ETS1: variants seen among roughly 807,000 people sequenced by gnomAD.
ETS1 encodes protein C-ets-1.
Under a neutral mutation model 58.6 loss-of-function variants are expected in ETS1, and 15 were observed. The observed-to-expected ratio is 0.26, with a 90% CI of 0.17 to 0.39. The LOEUF (loss-of-function observed/expected upper bound fraction) is 0.39. ETS1 is among the 10% of genes least tolerant of loss of function. ETS1 has a pLI of 1.00. For synonymous variants in ETS1, 214 were observed against 218.2 expected, an observed-to-expected ratio of 0.98 and a Z score of 0.17; for missense variants, 417 against 610.5, an observed-to-expected ratio of 0.68 and a Z score of 3.34.
chr11:128,571,156 C>T lies in ETS1; in HGVS notation c.69+1906G>A, dbSNP rs976593532. ...TAAAAAAAGAACTTCAGGCTGGGCG[C>T]GGTGGCTCACGCTTGTAATCCCAGC... On this transcript the variant is annotated intron_variant, in intron 2 of 9. Transcript: ENST00000392668. Among the ~76,000 whole-genome samples, 10 of 151,794 alleles carry T rather than the reference C, an allele frequency of 6.6e-5. No homozygotes were observed. The East Asian group carries it at 9.7e-4, about 15-fold the overall frequency.
chr11:128,488,285 A>G (rs1862694749), intron 5 of ETS1, among the ~76,000 whole-genome samples: 1 of 152,146 alleles, frequency 6.6e-6, no homozygotes, highest in Non-Finnish European at 1.5e-5. Flanking sequence ...GTATTCCTTT[A>G]TGTCTTATTT....
chr11:128,471,234 C>T (rs1256917441), intron 8 of ETS1, among the ~76,000 whole-genome samples: 4 of 152,222 alleles, frequency 2.6e-5, no homozygotes, highest in African/African-American at 7.2e-5. Flanking sequence ...GACAGCAAGA[C>T]CAGGTGGCTG....
intron 3 of ETS1, among the ~76,000 whole-genome samples, chr11:128,532,181 C>T (rs1039971091): frequency 6.6e-6 from 1 of 152,196 alleles, no homozygotes; most frequent in African/African-American, 2.4e-5. Context: ...ATAGCACTCC[C>T]TGCAAGCTTG....
intron 2 of ETS1, among the ~76,000 whole-genome samples, chr11:128,561,458 A>AT: frequency 6.6e-6 from 1 of 152,304 alleles, no homozygotes; most frequent in East Asian, 1.9e-4. Context: ...ATTAATTCTG[A>AT]TTTTTCAAAG....
chr11:128,549,331 A>C lies in ETS1; in HGVS notation c.214+6960T>G, dbSNP rs1420664408. Among the ~76,000 whole-genome samples, 2 of 150,176 alleles carry C rather than the reference A, an allele frequency of 1.3e-5. No individual in the cohort carries two copies. Among genetic ancestry groups the C allele is most frequent in the Admixed American group, 1.3e-4 (2 of 15,168 alleles). On this transcript the variant is annotated intron_variant, in intron 3 of 9. Coordinates refer to ENST00000392668, the MANE Select transcript of ETS1 (RefSeq NM_001143820.2). This position sits in a 1 kb window ranked among gnomAD's most constrained non-coding sequence, Gnocchi z 4.3. ...GCTCCCACCTCATCGGCCCACCCGAAGATGTCCATTCACCCAGTGCCGCGG... is the reference window on the plus strand; with the variant it reads ...GCTCCCACCTCATCGGCCCACCCGACGATGTCCATTCACCCAGTGCCGCGG...
intron 8 of ETS1, among the ~76,000 whole-genome samples, chr11:128,476,563 A>T (rs1379713013): frequency 6.6e-6 from 1 of 152,350 alleles, no homozygotes; most frequent in Admixed American, 6.5e-5. Flanking sequence ...AGGGGTTGAG[A>T]GGAAGAGAGA....
At chr11:128,552,056 G>A (rs1233552738) in intron 3 of ETS1, among the ~76,000 whole-genome samples, 1 of 151,920 alleles carries the variant, frequency 6.6e-6, no homozygotes, top group African/African-American at 2.4e-5. Flanking sequence ...ATAAGTCTGG[G>A]GTACGGCTCG....
intron 1 of ETS1, among the ~76,000 whole-genome samples, chr11:128,581,959 A>T (rs1362650702): frequency 6.6e-6 from 1 of 152,200 alleles, no homozygotes; most frequent in African/African-American, 2.4e-5. Context: ...AGATCTCTCA[A>T]ATCCAGCAAG....
chr11:128,463,791 G>A lies in ETS1; in HGVS notation c.1124-164C>T, dbSNP rs575319835. On this transcript the variant is annotated intron_variant, in intron 8 of 9. Coordinates refer to ENST00000392668, the MANE Select transcript of ETS1 (RefSeq NM_001143820.2). The surrounding 1 kb of genome is among the most constrained non-coding windows in gnomAD (Gnocchi z 4.1). ...ATGTCGGAGGAAGTGTTATGAGCTC[G>A]AACAGATAGAAAAGACAAAGGCCTC... 4.5e-4 allele frequency: 229 copies of A among 511,078 alleles called. 2 individuals are homozygous for A. Among genetic ancestry groups the A allele is most frequent in the East Asian group, 2.2e-3 (67 of 30,376 alleles). The allele number at this position is 511,078 out of a possible 1,614,324, so 31.7% of individuals were successfully genotyped here. A position where few individuals can be genotyped will look rare whatever the true frequency, so the allele number is the denominator to read the frequency against.
intron 3 of ETS1, among the ~76,000 whole-genome samples, chr11:128,533,255 C>T (rs1321804343): frequency 1.3e-5 from 2 of 152,210 alleles, no homozygotes; most frequent in African/African-American, 2.4e-5. Context: ...GCATTCCCCA[C>T]ATCGCAATAC....
intron 7 of ETS1, among the ~76,000 whole-genome samples, chr11:128,482,011 G>T (rs1201355057): frequency 6.6e-6 from 1 of 152,142 alleles, no homozygotes; most frequent in Non-Finnish European, 1.5e-5. Context: ...TCTCTGGAAA[G>T]CAAACTGAAG....
intron 2 of ETS1, among the ~76,000 whole-genome samples, chr11:128,558,922 C>A (rs1864360275): frequency 6.6e-6 from 1 of 152,096 alleles, no homozygotes; most frequent in Non-Finnish European, 1.5e-5. Flanking sequence ...TTTTCATATT[C>A]CTTTAGAGCC....
At chr11:128,541,049 C>T (rs2135542238) in intron 3 of ETS1, among the ~76,000 whole-genome samples, 1 of 152,266 alleles carries the variant, frequency 6.6e-6, no homozygotes, top group East Asian at 1.9e-4. Context: ...CAAGGCAAAC[C>T]CCCTCACCCT....
At chr11:128,541,748 T>C (rs561880303) in intron 3 of ETS1, among the ~76,000 whole-genome samples, 1 of 152,314 alleles carries the variant, frequency 6.6e-6, no homozygotes, top group African/African-American at 2.4e-5. Context: ...ATTTAGGCAC[T>C]CTGCTAGGTA....
At chr11:128,554,887 T>A (rs1309916531) in intron 3 of ETS1, among the ~76,000 whole-genome samples, 2 of 152,224 alleles carry the variant, frequency 1.3e-5, no homozygotes, top group Non-Finnish European at 2.9e-5. Context: ...TTTTAAAGGA[T>A]CACTTTTCTC....
intron 3 of ETS1, among the ~76,000 whole-genome samples, chr11:128,508,597 T>C (rs1316428550): frequency 6.6e-6 from 1 of 152,192 alleles, no homozygotes; most frequent in African/African-American, 2.4e-5. Context: ...CCCTCTCCTT[T>C]GTCTTAGAGG....
chr11:128,552,535 A>T (rs1387218564), intron 3 of ETS1, among the ~76,000 whole-genome samples: 1 of 152,236 alleles, frequency 6.6e-6, no homozygotes, highest in African/African-American at 2.4e-5. Flanking sequence ...TGCTCACAAC[A>T]TCACATCCAT....
At chr11:128,580,441 T>C (rs1591679009) in intron 1 of ETS1, among the ~76,000 whole-genome samples, 1 of 152,166 alleles carries the variant, frequency 6.6e-6, no homozygotes, top group African/African-American at 2.4e-5. Flanking sequence ...TCCAATTCTC[T>C]AAGAACTCAG....
rs151235362 is a variant in ETS1, at chr11:128,550,341, G to C, written c.214+5950C>G. 2.0e-4 allele frequency among the ~76,000 whole-genome samples: 30 copies of C among 152,352 alleles called. No individual in the cohort carries two copies. The East Asian group carries it at 5.4e-3, about 27-fold the overall frequency. On this transcript the variant is annotated intron_variant, in intron 3 of 9. Transcript: ENST00000392668. ...AGGCAGCAGGAGGTGGGAGGAAAAA[G>C]AAAGAGGCCATGTAGGAAGCAGGAG...
Sources: allele counts gnomAD v4.1 joint callset (sites outside exome capture counted in the v4.1 genomes callset), GRCh38; gene constraint gnomAD v4.1.1; non-coding constraint Gnocchi (gnomAD v3.1); transcripts MANE v1.5; gene names NCBI Gene and HGNC (gene_info 2026-07-23, HGNC 2026-07-21).